Variants in ROBO2 observed in about 807,000 individuals in gnomAD.
ROBO2 encodes roundabout guidance receptor 2, also known as roundabout homolog 2.
In ROBO2, 53 loss-of-function variants were observed where a neutral mutation model predicts 160.8. The observed-to-expected ratio is 0.33, with a 90% confidence interval of 0.26 to 0.41. The LOEUF is 0.41. Ranked by LOEUF, ROBO2 falls within the 10% of genes least tolerant of loss-of-function variation. The probability of loss-of-function intolerance (pLI) is 1.00; values close to 1 mark genes in which losing one functional copy is unlikely to be tolerated. For synonymous variants in ROBO2, 664 were observed against 611.7 expected, an observed-to-expected ratio of 1.09 and a Z score of -1.26; for missense variants, 1,577 against 1,722.4, an observed-to-expected ratio of 0.92 and a Z score of 1.49.
chr3:76,509,151 A>G (rs970297478), intron 2 of ROBO2, among the ~76,000 whole-genome samples: 1 of 152,260 alleles, frequency 6.6e-6, no homozygotes, highest in Admixed American at 6.5e-5. Flanking sequence ...ACCTTTGTAG[A>G]AAAAGGTAGT....
intron 2 of ROBO2, among the ~76,000 whole-genome samples, chr3:76,450,209 T>TA (rs1357881388): frequency 6.6e-6 from 1 of 152,164 alleles, no homozygotes; most frequent in African/African-American, 2.4e-5. Context: ...GGTTCTGGAA[T>TA]AAATAATTGC....
chr3:76,946,767 T>G (rs2078574243), intron 2 of ROBO2, among the ~76,000 whole-genome samples: 2 of 152,162 alleles, frequency 1.3e-5, no homozygotes, highest in African/African-American at 4.8e-5. Context: ...TCTTTTTCAC[T>G]AACCTCCCCA....
rs942990151 is a variant in ROBO2, at chr3:76,850,765, T to G, written c.110-247249T>G. 2.0e-5 allele frequency among the ~76,000 whole-genome samples: 3 copies of G among 152,040 alleles called. No individual in the cohort carries two copies. The East Asian group carries it at 5.8e-4, about 29-fold the overall frequency. On this transcript the variant is annotated intron_variant, in intron 2 of 26. Coordinates refer to the ROBO2 transcript ENST00000487694. ...TAGGCTTTTAATCTTAATAAGAGAA[T>G]AGCAAGCAGAAATTAGGGGAAAAAT...
intron 2 of ROBO2, among the ~76,000 whole-genome samples, chr3:77,011,530 A>C (rs2061922437): frequency 1.3e-5 from 2 of 151,890 alleles, no homozygotes; most frequent in African/African-American, 4.8e-5. Flanking sequence ...GCCAATGTTA[A>C]GCATTTACAA....
At chr3:77,503,673 C>T (rs1476238024) in intron 5 of ROBO2, among the ~76,000 whole-genome samples, 2 of 151,584 alleles carry the variant, frequency 1.3e-5, no homozygotes, top group African/African-American at 2.4e-5. Flanking sequence ...TCAATAGTTC[C>T]ATGGATGGTT....
intron 2 of ROBO2, among the ~76,000 whole-genome samples, chr3:76,316,543 G>T (rs985380977): frequency 6.6e-6 from 1 of 152,104 alleles, no homozygotes; most frequent in Non-Finnish European, 1.5e-5. Context: ...TTTTCAAGGT[G>T]CACTGATATC....
chr3:76,782,859 T>C (rs11927881), intron 2 of ROBO2, among the ~76,000 whole-genome samples: 1 of 150,794 alleles, frequency 6.6e-6, no homozygotes, highest in Non-Finnish European at 1.5e-5. Flanking sequence ...CCATTTGCAT[T>C]TGTAGTAATT....
chr3:77,397,105 T>C (rs2075353745), intron 2 of ROBO2, among the ~76,000 whole-genome samples: 1 of 152,100 alleles, frequency 6.6e-6, no homozygotes. Flanking sequence ...AAGCAAATAT[T>C]CAGTGTTATT....
At chr3:77,038,848 T>G (rs2063795545), upstream of ROBO2, among the ~76,000 whole-genome samples, 1 of 152,328 alleles carries the variant, frequency 6.6e-6, no homozygotes, top group South Asian at 2.1e-4. Flanking sequence ...AAATTCGGCT[T>G]CTTTTTGAGC....
At chr3:77,634,801 A>C (rs1044278283) in intron 23 of ROBO2, 69 bp from the exon 25 acceptor site, 1 of 1,462,414 alleles carries the variant, frequency 6.8e-7, no homozygotes, top group African/African-American at 1.4e-5. Flanking sequence ...CATAGTGCAG[A>C]AATATAGGAC....
At chr3:76,272,770 T>TCTC (rs1559705311) in intron 2 of ROBO2, among the ~76,000 whole-genome samples, 9 of 25,134 alleles carry the variant, frequency 3.6e-4, no homozygotes, top group South Asian at 1.6e-3. Context: ...TAATATATAT[T>TCTC]TATATATAAA....
rs1235473544 is a variant in ROBO2 at position 77,477,538 on chromosome 3, A to G, written c.513A>G (p.Lys171=). ...CCACCATCTACTGGAAAAAAGACAA[A>G]GTTCGAATTGATGACAAGGAAGAAA... is the stretch of plus-strand genomic sequence containing the variant. The change falls in exon 3 of 26, where the codon AAA becomes AAG. Residue 171 remains lysine, a synonymous_variant. Transcript: ENST00000461745. The G allele has an allele frequency of 3.1e-6, 5 of 1,614,002 alleles. No homozygotes were observed. In the South Asian group the frequency reaches 5.5e-5, roughly 18 times the overall value.
intron 2 of ROBO2, among the ~76,000 whole-genome samples, chr3:76,151,250 T>A (rs555778405): frequency 6.6e-6 from 1 of 152,276 alleles, no homozygotes; most frequent in South Asian, 2.1e-4. Context: ...GCTAGTTTCC[T>A]ATAATGCTCA....
At chr3:76,340,876 T>C (rs2074182808) in intron 2 of ROBO2, among the ~76,000 whole-genome samples, 1 of 152,142 alleles carries the variant, frequency 6.6e-6, no homozygotes, top group East Asian at 1.9e-4. Context: ...TGTTAGTAAT[T>C]AGCATGCGGA....
intron 2 of ROBO2, among the ~76,000 whole-genome samples, chr3:76,248,406 C>T (rs1248862543): frequency 1.0e-4 from 15 of 150,490 alleles, no homozygotes; most frequent in Admixed American, 9.4e-4. Flanking sequence ...AAACCAAACA[C>T]TGCATATTCT....
chr3:76,238,416 C>T (rs1237240770), intron 2 of ROBO2, among the ~76,000 whole-genome samples: 1 of 152,182 alleles, frequency 6.6e-6, no homozygotes, highest in African/African-American at 2.4e-5. Context: ...ACTAACTCTC[C>T]TGAGAAGAGC....
At chr3:76,878,913 C>T (rs1158748793) in intron 2 of ROBO2, among the ~76,000 whole-genome samples, 1 of 152,006 alleles carries the variant, frequency 6.6e-6, no homozygotes, top group Non-Finnish European at 1.5e-5. Flanking sequence ...CTTTCCTTCT[C>T]AGGTATTTAC....
At chr3:76,942,878 A>G (rs541758795) in intron 2 of ROBO2, among the ~76,000 whole-genome samples, 16 of 152,268 alleles carry the variant, frequency 1.1e-4, no homozygotes, top group Non-Finnish European at 1.6e-4. Context: ...AAACAATAAT[A>G]TTATTGAATA....
chr3:77,627,697 T>A (rs2095059827), intron 23 of ROBO2, among the ~76,000 whole-genome samples: 1 of 152,228 alleles, frequency 6.6e-6, no homozygotes, highest in Admixed American at 6.5e-5. Context: ...TTTGGATTAA[T>A]TTGTCTAAAG....
Sources: allele counts gnomAD v4.1 joint callset (sites outside exome capture counted in the v4.1 genomes callset), GRCh38; gene constraint gnomAD v4.1.1; transcripts MANE v1.5; gene names NCBI Gene and HGNC (gene_info 2026-07-23, HGNC 2026-07-21).